MTOR: variants seen among roughly 807,000 people sequenced by gnomAD.
The protein encoded by MTOR is serine/threonine-protein kinase mTOR.
MTOR carries 70 observed loss-of-function variants against 319.8 expected under a neutral mutation model. That is an observed-to-expected ratio of 0.22 (90% CI 0.18 to 0.27). The LOEUF (loss-of-function observed/expected upper bound fraction) is 0.27, where lower values mean the gene tolerates loss of function less well. Among genes scored for constraint, MTOR ranks in the 10% least tolerant of loss-of-function variants. The pLI, the probability that MTOR is intolerant of heterozygous loss-of-function variation, is 1.00. For missense variants in MTOR, 1,890 were observed against 3,274.4 expected (o/e 0.58, Z 10.32); for synonymous variants, 1,183 against 1,211.4 (o/e 0.98, Z 0.49).
Position 11,158,841 on chromosome 1 carries a change from T to C in MTOR, c.4330-1550A>G, listed in dbSNP as rs911592484. 5.3e-5 allele frequency among the ~76,000 whole-genome samples: 8 copies of C among 151,898 alleles called. No homozygotes were observed. The East Asian group carries it at 1.4e-3, about 26-fold the overall frequency. On this transcript the variant is annotated intron_variant, in intron 29 of 57. Coordinates refer to ENST00000361445, the MANE Select transcript of MTOR (RefSeq NM_004958.4). ...GAGGGTAGGATATTTTGAATTGCAA[T>C]AGATTGCAGAAACTATAAGGTTTAA...
chr1:11,192,793 C>T (rs1645597095), intron 28 of MTOR, among the ~76,000 whole-genome samples: 1 of 148,132 alleles, frequency 6.8e-6, no homozygotes, highest in Non-Finnish European at 1.5e-5. Context: ...CAAGCAAACA[C>T]ACCAAACACC....
intron 8 of MTOR, among the ~76,000 whole-genome samples, chr1:11,246,430 G>T (rs926119160): frequency 6.6e-6 from 1 of 152,176 alleles, no homozygotes; most frequent in Admixed American, 6.5e-5. Flanking sequence ...AAAGCTGCTG[G>T]GTGCCAGGCC....
intron 11 of MTOR, 101 bp downstream of exon 11, chr1:11,240,202 T>C: frequency 3.4e-6 from 5 of 1,459,836 alleles, no homozygotes; most frequent in Non-Finnish European, 4.6e-6. Flanking sequence ...ACCCTGTCTT[T>C]AGCACCCCAG....
At chr1:11,237,488 C>G (rs1451874689) in intron 13 of MTOR, among the ~76,000 whole-genome samples, 7 of 152,008 alleles carry the variant, frequency 4.6e-5, no homozygotes, top group Admixed American at 4.6e-4. Flanking sequence ...AGCAGGAGAG[C>G]TGAAGGATAG....
In MTOR at chr1:11,127,952, C is replaced by G. The variant is rs2100411778; in HGVS notation, c.6033+52G>C. On this transcript the variant is annotated intron_variant, in intron 43 of 57. Coordinates refer to ENST00000361445, the MANE Select transcript of MTOR (RefSeq NM_004958.4). This position sits in a 1 kb window ranked among gnomAD's most constrained non-coding sequence, Gnocchi z 5.5. Reference sequence around the variant, plus strand: ...GGAAGAAAAACAATCCCACTTGCGCCCACCAGCTAAGGGACCAGGGTCTAT... The same window carrying G: ...GGAAGAAAAACAATCCCACTTGCGCGCACCAGCTAAGGGACCAGGGTCTAT... 1 of 1,607,022 alleles carries G rather than the reference C, an allele frequency of 6.2e-7. No homozygotes were observed. Among genetic ancestry groups the G allele is most frequent in the South Asian group, 1.1e-5 (1 of 90,320 alleles).
rs375465068 is a variant in MTOR at position 11,126,782 on chromosome 1, C to T, written c.6366G>A (p.Glu2122=). The change falls in exon 46 of 58, where the codon GAG becomes GAA. Residue 2122 remains glutamate, a synonymous_variant. Transcript: ENST00000361445. ...SKQLPQLTSL[E]LQYVSPKLLM... is the part of the protein sequence containing the mutation. ...GAAGTTTTGGGGAAACATATTGCAG[C>T]TCTAAGGATGTGAGCTGTAAATAAT... 9.9e-6 allele frequency: 16 copies of T among 1,613,826 alleles called. No individual in the cohort carries two copies. Among genetic ancestry groups the T allele is most frequent in the Non-Finnish European group, 1.2e-5 (14 of 1,179,986 alleles).
At chr1:11,194,876 C>T (rs1250940475) in intron 28 of MTOR, 38 of 1,614,018 alleles carry the variant, frequency 2.4e-5, no homozygotes, top group Non-Finnish European at 3.1e-5. Context: ...ACAACTGCTG[C>T]ACAGACTCCA....
At chr1:11,122,249 G>C (rs1244888571) in intron 47 of MTOR, 123 bp from the exon 48 acceptor site, 1 of 1,226,902 alleles carries the variant, frequency 8.2e-7, no homozygotes, top group Non-Finnish European at 1.1e-6. Flanking sequence ...TGTTGCCCAG[G>C]CTGGAGTGCA....
At chr1:11,149,827 A>C (rs1390895073) in intron 31 of MTOR, among the ~76,000 whole-genome samples, 1 of 152,230 alleles carries the variant, frequency 6.6e-6, no homozygotes, top group Non-Finnish European at 1.5e-5. Flanking sequence ...ATCTGGCATC[A>C]GTACTCTGTG....
intron 28 of MTOR, among the ~76,000 whole-genome samples, chr1:11,172,934 T>C (rs1644868747): frequency 6.6e-6 from 1 of 151,708 alleles, no homozygotes; most frequent in South Asian, 2.1e-4. Context: ...GAGAAATTAA[T>C]TTCTTTGTCT....
In MTOR at chr1:11,119,901, G is replaced by A. The variant is rs965237690; in HGVS notation, c.6933+1345C>T. On this transcript the variant is annotated intron_variant, in intron 49 of 57. Transcript: ENST00000361445. ...ATATCTCTAAGTTAGGGCCCCCATC[G>A]GATCCCAAAATCTGCAATACTCAAG... Among the ~76,000 whole-genome samples the A allele has an allele frequency of 9.3e-5, 14 of 151,120 alleles. 1 individual carries two copies. The highest frequency in any genetic ancestry group is 6.6e-4 in the Admixed American group (10 of 15,190).
chr1:11,258,017 C>T (rs369459223), intron 3 of MTOR, among the ~76,000 whole-genome samples: 9 of 150,588 alleles, frequency 6.0e-5, no homozygotes, highest in Middle Eastern at 3.4e-3. Flanking sequence ...GGCTGAGGCA[C>T]GAGAATCGCT....
chr1:11,165,072 A>G (rs1644599734), intron 29 of MTOR, among the ~76,000 whole-genome samples: 1 of 152,196 alleles, frequency 6.6e-6, no homozygotes. Flanking sequence ...AACTCTCAAT[A>G]AATTAGGTAT....
chr1:11,253,926 T>C lies in MTOR; in HGVS notation c.753A>G (p.Lys251=). The change falls in exon 6 of 58, where the codon AAA becomes AAG. Residue 251 remains lysine (K), a synonymous_variant. Transcript: ENST00000361445. Reference sequence around the variant, plus strand: ...GATCATCCCGATTCATGCCCTTCTCTTTGGCCAAGGTCTCATCAAATCCCT... The same window carrying C: ...GATCATCCCGATTCATGCCCTTCTCCTTGGCCAAGGTCTCATCAAATCCCT... ...AEKGFDETLA[K]EKGMNRDDRI... 1 of 1,614,120 alleles carries C rather than the reference T, an allele frequency of 6.2e-7. No homozygotes were observed.
chr1:11,113,038 G>C, intron 53 of MTOR, 121 bp from the exon 54 acceptor site: 1 of 1,020,928 alleles, frequency 9.8e-7, no homozygotes, highest in Non-Finnish European at 1.5e-6. Flanking sequence ...CAAAAAAAGA[G>C]ATGACAGACA....
chr1:11,200,983 C>T (rs1190418641), intron 26 of MTOR, among the ~76,000 whole-genome samples: 2 of 151,456 alleles, frequency 1.3e-5, no homozygotes, highest in Non-Finnish European at 2.9e-5. Flanking sequence ...CCACTGCACT[C>T]CAGCCTGGGC....
chr1:11,238,929 AT>A (rs35499063), intron 11 of MTOR, among the ~76,000 whole-genome samples: 8,551 of 139,420 alleles, frequency 0.061, 337 homozygotes, highest in South Asian at 0.13. Flanking sequence ...CGCCTGGCTA[AT>A]TTTTTTTTTT....
chr1:11,248,063 T>A lies in MTOR; in HGVS notation c.872A>T (p.Gln291Leu). The A allele has an allele frequency of 6.2e-7, 1 of 1,610,964 alleles. No individual in the cohort carries two copies. Among genetic ancestry groups the A allele is most frequent in the African/African-American group, 1.3e-5 (1 of 74,938 alleles). Residue 291 changes from glutamine to leucine, a missense_variant, in exon 7 of 58, where the codon CAG (glutamine) becomes CTG (leucine). Physicochemically the swap from Gln to Leu is moderately radical, Grantham distance 113 (BLOSUM62 -2). This residue lies in a region of MTOR where 418 missense variants were observed against 543.1 expected (regional missense o/e 0.77). Coordinates refer to ENST00000361445, the MANE Select transcript of MTOR (RefSeq NM_004958.4). ...GTACTTGTCGTGTACCAGCTGCTGC[T>A]GTGTGATTTCTTCCATTTCTTCTCT... ...RLREEMEEIT[Q>L]QQLVHDKYCK...
intron 19 of MTOR, among the ~76,000 whole-genome samples, chr1:11,224,711 A>C (rs1292168039): frequency 6.6e-6 from 1 of 152,222 alleles, no homozygotes; most frequent in East Asian, 1.9e-4. Context: ...TCATAAACAC[A>C]ATGCAATTAA....
Sources: allele counts gnomAD v4.1 joint callset (sites outside exome capture counted in the v4.1 genomes callset), GRCh38; gene constraint gnomAD v4.1.1; regional missense constraint gnomAD v4.1.1; non-coding constraint Gnocchi (gnomAD v3.1); transcripts MANE v1.5; gene names NCBI Gene and HGNC (gene_info 2026-07-23, HGNC 2026-07-21).